Variants in AGBL1 observed in about 807,000 individuals in gnomAD.
AGBL1 encodes cytosolic carboxypeptidase 4.
In AGBL1, 130 loss-of-function variants were observed where a neutral mutation model predicts 118.9. The observed-to-expected ratio is 1.09, with a 90% CI of 0.95 to 1.26. AGBL1 has a LOEUF of 1.26. Among genes scored for constraint, AGBL1 ranks in the 50% most tolerant of loss-of-function variants. The pLI is 0.00. For missense variants in AGBL1, 1,584 were observed against 1,298.1 expected (o/e 1.22, Z -3.38); for synonymous variants, 555 against 478.9 (o/e 1.16, Z -2.08).
intron 23 of AGBL1, among the ~76,000 whole-genome samples, chr15:86,946,659 C>A (rs2080825652): frequency 6.6e-6 from 1 of 151,620 alleles, no homozygotes; most frequent in Admixed American, 6.6e-5. Flanking sequence ...ACCAGCCTGA[C>A]CAACATGGAG....
Position 86,115,928 on chromosome 15 carries a change from T to G in AGBL1, c.52-26076T>G, listed in dbSNP as rs138339675. Among the ~76,000 whole-genome samples the G allele has an allele frequency of 8.7e-3, 1,331 of 152,288 alleles. 21 individuals are homozygous for G. Among genetic ancestry groups the G allele is most frequent in the African/African-American group, 0.031 (1,279 of 41,572 alleles). ...TGTTATAATTATTAGTAGGGCTCATTTCTCTCTCAGAAGATTTCAGTCATG... is the reference window on the plus strand; with the variant it reads ...TGTTATAATTATTAGTAGGGCTCATGTCTCTCTCAGAAGATTTCAGTCATG... On this transcript the variant is annotated intron_variant, in intron 1 of 22. Coordinates refer to ENST00000614907, the MANE Select transcript of AGBL1 (RefSeq NM_001386094.1).
chr15:86,677,736 A>T (rs1301022344), intron 22 of AGBL1, among the ~76,000 whole-genome samples: 1 of 152,168 alleles, frequency 6.6e-6, no homozygotes, highest in Non-Finnish European at 1.5e-5. Context: ...GGCTCACCTT[A>T]GTATCTACAT....
At chr15:86,624,833 C>T (rs540424576) in intron 21 of AGBL1, among the ~76,000 whole-genome samples, 72 of 152,304 alleles carry the variant, frequency 4.7e-4, no homozygotes, top group African/African-American at 1.4e-3. Context: ...AGCAGCTTGT[C>T]GTTCCCTCTC....
chr15:86,728,709 T>C (rs1380188610), intron 22 of AGBL1, among the ~76,000 whole-genome samples: 2 of 152,248 alleles, frequency 1.3e-5, no homozygotes, highest in Admixed American at 1.3e-4. Context: ...CTTTTTCTTT[T>C]CTTTTTTTTG....
chr15:86,525,232 T>C (rs1038312694), intron 19 of AGBL1, among the ~76,000 whole-genome samples: 1 of 151,686 alleles, frequency 6.6e-6, no homozygotes, highest in Non-Finnish European at 1.5e-5. Flanking sequence ...AAAACACTGA[T>C]AAAAGAAATC....
intron 22 of AGBL1, among the ~76,000 whole-genome samples, chr15:86,855,620 A>G (rs2079467880): frequency 6.6e-6 from 1 of 152,216 alleles, no homozygotes; most frequent in African/African-American, 2.4e-5. Flanking sequence ...TGATATAAAT[A>G]CATGTTTAAT....
At chr15:86,217,899 C>A (rs7174013) in intron 5 of AGBL1, among the ~76,000 whole-genome samples, 33,573 of 152,026 alleles carry the variant, frequency 0.22, 4,279 homozygotes, top group East Asian at 0.38. Flanking sequence ...GTGCTCAAAT[C>A]TGAGCCTCTG....
At chr15:86,821,187 G>A (rs1040456300) in intron 22 of AGBL1, among the ~76,000 whole-genome samples, 4 of 151,966 alleles carry the variant, frequency 2.6e-5, no homozygotes, top group African/African-American at 4.8e-5. Context: ...AGATTGGGGG[G>A]TTGGGGGAGG....
At chr15:86,327,100 T>A (rs900723992) in intron 17 of AGBL1, among the ~76,000 whole-genome samples, 3 of 152,056 alleles carry the variant, frequency 2.0e-5, no homozygotes, top group African/African-American at 7.2e-5. Context: ...GGATCAGTGG[T>A]AAGGAAGACT....
chr15:87,018,032 T>C (rs1264980275), intron 24 of AGBL1, among the ~76,000 whole-genome samples: 1 of 113,636 alleles, frequency 8.8e-6, no homozygotes, highest in African/African-American at 4.6e-5. Flanking sequence ...ATCTCAGAGC[T>C]TGAAGAATAT....
At chr15:86,703,217 A>G (rs994306224) in intron 22 of AGBL1, among the ~76,000 whole-genome samples, 2 of 152,130 alleles carry the variant, frequency 1.3e-5, no homozygotes, top group African/African-American at 4.8e-5. Flanking sequence ...TTCACTTGTT[A>G]TTTTTTAAAT....
chr15:86,718,375 C>T (rs1223145384), intron 22 of AGBL1, among the ~76,000 whole-genome samples: 1 of 152,148 alleles, frequency 6.6e-6, no homozygotes, highest in East Asian at 1.9e-4. Context: ...ACATCACACA[C>T]TGGGGCCTCG....
At chr15:87,017,709 C>G (rs1394974738) in intron 24 of AGBL1, among the ~76,000 whole-genome samples, 1 of 152,134 alleles carries the variant, frequency 6.6e-6, no homozygotes, top group Non-Finnish European at 1.5e-5. Context: ...CACAAAAACC[C>G]TGAAAACCCA....
At chr15:86,359,399 T>C (rs1288227364) in intron 17 of AGBL1, among the ~76,000 whole-genome samples, 2 of 140,384 alleles carry the variant, frequency 1.4e-5, no homozygotes, top group African/African-American at 2.8e-5. Context: ...TTTTTTTTTT[T>C]TTTTTTTTTT....
chr15:86,989,249 C>T (rs2081314297), intron 24 of AGBL1, among the ~76,000 whole-genome samples: 2 of 152,036 alleles, frequency 1.3e-5, no homozygotes. Flanking sequence ...TATCATCTTA[C>T]CTTGGCTTCC....
intron 18 of AGBL1, among the ~76,000 whole-genome samples, chr15:86,515,295 C>T (rs1567034758): frequency 6.6e-6 from 1 of 152,122 alleles, no homozygotes; most frequent in South Asian, 2.1e-4. Flanking sequence ...GGAAATTCCT[C>T]TGGAGTTTCT....
intron 22 of AGBL1, among the ~76,000 whole-genome samples, chr15:86,859,556 G>A (rs1170190092): frequency 1.3e-5 from 2 of 152,154 alleles, no homozygotes; most frequent in African/African-American, 4.8e-5. Context: ...TGGGTTCAAA[G>A]GTTGCTACTA....
intron 9 of AGBL1, among the ~76,000 whole-genome samples, chr15:86,259,504 G>A (rs1204202966): frequency 2.0e-5 from 3 of 151,922 alleles, no homozygotes; most frequent in Non-Finnish European, 4.4e-5. Flanking sequence ...TTTCCTATCT[G>A]TCTAGAAAGA....
chr15:86,599,564 C>T (rs2084463096), intron 21 of AGBL1, among the ~76,000 whole-genome samples: 1 of 150,632 alleles, frequency 6.6e-6, no homozygotes, highest in African/African-American at 2.5e-5. Flanking sequence ...ATGAATGGAT[C>T]GATAAGTGAA....
Sources: gnomAD v4.1 joint callset for allele counts (sites outside exome capture counted in the v4.1 genomes callset) on GRCh38, gnomAD v4.1.1 for gene constraint, MANE v1.5 for transcripts, NCBI Gene and HGNC (gene_info 2026-07-23, HGNC 2026-07-21) for gene names.